LEKR1: variants seen among roughly 807,000 people sequenced by gnomAD.
LEKR1 encodes protein LEKR1.
Under a neutral mutation model 72.4 loss-of-function variants are expected in LEKR1, and 59 were observed. The ratio of observed to expected loss-of-function variants is 0.82; its 90% confidence interval spans 0.66 to 1.01. The LOEUF is 1.01. Among genes scored for constraint, LEKR1 ranks in the 50% least tolerant of loss-of-function variants. LEKR1 has a pLI of 0.00. For missense variants in LEKR1, 728 were observed against 759.2 expected (o/e 0.96, Z 0.48); for synonymous variants, 257 against 263.2 (o/e 0.98, Z 0.23).
intron 7 of LEKR1, among the ~76,000 whole-genome samples, chr3:156,987,259 G>A (rs1240072342): frequency 6.6e-6 from 1 of 152,074 alleles, no homozygotes; most frequent in African/African-American, 2.4e-5. Flanking sequence ...GATAACAATT[G>A]GGTAACAAAG....
At chr3:156,974,202 G>C (rs1729496461) in intron 6 of LEKR1, among the ~76,000 whole-genome samples, 1 of 152,070 alleles carries the variant, frequency 6.6e-6, no homozygotes, top group Non-Finnish European at 1.5e-5. Flanking sequence ...AGAGCAGAGT[G>C]AATCATATCT....
chr3:156,999,687 A>G (rs1731863255), intron 9 of LEKR1, among the ~76,000 whole-genome samples: 1 of 152,192 alleles, frequency 6.6e-6, no homozygotes, highest in South Asian at 2.1e-4. Context: ...CCCTGTGTCC[A>G]TAGGTCTTCC....
intron 6 of LEKR1, among the ~76,000 whole-genome samples, chr3:156,965,112 G>A (rs1432708155): frequency 2.6e-5 from 4 of 152,036 alleles, no homozygotes; most frequent in Non-Finnish European, 4.4e-5. Context: ...AAAACATTCA[G>A]AAAAGTTTCT....
intron 3 of LEKR1, chr3:156,853,250 A>G (rs1286484509): frequency 4.4e-6 from 1 of 228,702 alleles, no homozygotes; most frequent in Non-Finnish European, 8.3e-6. Flanking sequence ...CCAGGTATAT[A>G]TATCTTACGT....
chr3:156,902,437 ATATGT>A (rs148624579), intron 3 of LEKR1, among the ~76,000 whole-genome samples: 2,481 of 152,220 alleles, frequency 0.016, 56 homozygotes, highest in African/African-American at 0.057. Context: ...CACAATCAAA[ATATGT>A]TATGTTTTCT....
At chr3:156,925,795 A>G (rs1724661062) in intron 4 of LEKR1, among the ~76,000 whole-genome samples, 1 of 152,062 alleles carries the variant, frequency 6.6e-6, no homozygotes, top group African/African-American at 2.4e-5. Context: ...TTGTCAGTAT[A>G]CCATTGGAGT....
intron 5 of LEKR1, among the ~76,000 whole-genome samples, chr3:156,937,027 AGCTACTCAGGAC>A (rs1238629661): frequency 2.2e-4 from 34 of 152,290 alleles, no homozygotes; most frequent in Non-Finnish European, 3.7e-4. Flanking sequence ...CTGTAGTCCC[AGCTACTCAGGAC>A]GCTGAGGTGG....
At chr3:156,969,907 C>T (rs530817955) in intron 6 of LEKR1, among the ~76,000 whole-genome samples, 2 of 152,320 alleles carry the variant, frequency 1.3e-5, no homozygotes, top group Non-Finnish European at 2.9e-5. Context: ...AGCAGCACAT[C>T]AAAAAGCATA....
chr3:156,922,164 T>A (rs1186212783), intron 4 of LEKR1, among the ~76,000 whole-genome samples: 5 of 152,122 alleles, frequency 3.3e-5, no homozygotes, highest in South Asian at 2.1e-4. Context: ...ATAGAAATAA[T>A]TATTGTTTTT....
chr3:156,872,071 A>G (rs560586943), intron 3 of LEKR1, among the ~76,000 whole-genome samples: 17 of 149,646 alleles, frequency 1.1e-4, no homozygotes, highest in Admixed American at 8.7e-4. Context: ...CTGGTCCTGG[A>G]CTTGTCTTTG....
intron 10 of LEKR1, among the ~76,000 whole-genome samples, chr3:157,018,183 A>G (rs1274534255): frequency 1.3e-5 from 2 of 152,198 alleles, no homozygotes; most frequent in Admixed American, 6.5e-5. Context: ...TGTGAGAAGT[A>G]AATTCACTAG....
chr3:156,915,937 A>G (rs896613854), intron 3 of LEKR1, among the ~76,000 whole-genome samples: 1 of 152,140 alleles, frequency 6.6e-6, no homozygotes, highest in African/African-American at 2.4e-5. Context: ...TAATTTTTGT[A>G]TACGGTGTAT....
intron 3 of LEKR1, among the ~76,000 whole-genome samples, chr3:156,871,077 G>C (rs1257345446): frequency 1.3e-5 from 2 of 151,970 alleles, no homozygotes; most frequent in Admixed American, 6.6e-5. Flanking sequence ...TCTGGCATTA[G>C]GTATATATCC....
chr3:156,988,375 G>A (rs1730877458), intron 7 of LEKR1: 1 of 230,986 alleles, frequency 4.3e-6, no homozygotes, highest in South Asian at 7.9e-5. Context: ...GTTTGTTGGG[G>A]AGCTGATGAT....
At chr3:157,003,807 T>A (rs1018394251) in intron 9 of LEKR1, among the ~76,000 whole-genome samples, 4 of 152,034 alleles carry the variant, frequency 2.6e-5, no homozygotes, top group Non-Finnish European at 5.9e-5. Flanking sequence ...TTATCAACCC[T>A]GTAGCAACCA....
chr3:157,036,305 A>T (rs974603410), intron 12 of LEKR1, among the ~76,000 whole-genome samples: 13 of 152,134 alleles, frequency 8.5e-5, no homozygotes, highest in African/African-American at 1.9e-4. Flanking sequence ...CTGAAATTTT[A>T]AAAAAATCAA....
chr3:156,852,811 A>G lies in LEKR1; in HGVS notation c.92A>G (p.Tyr31Cys), dbSNP rs944412655. The stretch of plus-strand genomic sequence containing the variant: ...GTTTGTAAGTACTGTGGAGTCAGCT[A>G]TCTAATTCTTCATGAATTTAAGGCT... ...EKVCKYCGVS[Y>C]LILHEFKAME... Residue 31 changes from tyrosine (Y) to cysteine (C), a missense_variant, in exon 3 of 13, where the codon TAT becomes TGT. Coordinates refer to ENST00000356539, the MANE Select transcript of LEKR1 (RefSeq NM_001004316.3). 3.4e-5 allele frequency: 52 copies of G among 1,535,382 alleles called. No individual in the cohort carries two copies. In the African/African-American group the frequency reaches 5.9e-4, roughly 17 times the overall value.
chr3:156,984,251 T>C (rs568214994), intron 7 of LEKR1, among the ~76,000 whole-genome samples: 1 of 152,350 alleles, frequency 6.6e-6, no homozygotes, highest in South Asian at 2.1e-4. Context: ...GAAATTCTTA[T>C]CTCACTCTAT....
intron 6 of LEKR1, among the ~76,000 whole-genome samples, chr3:156,960,944 T>C (rs1728079519): frequency 2.6e-5 from 4 of 152,338 alleles, no homozygotes. Flanking sequence ...TCAATTGATA[T>C]AATCCTCTCA....
Sources: gnomAD v4.1 joint callset for allele counts (sites outside exome capture counted in the v4.1 genomes callset) on GRCh38, gnomAD v4.1.1 for gene constraint, MANE v1.5 for transcripts, NCBI Gene and HGNC (gene_info 2026-07-23, HGNC 2026-07-21) for gene names.